Variants in CEBPZ observed in about 807,000 individuals in gnomAD.
CEBPZ encodes CCAAT enhancer binding protein zeta.
Under a neutral mutation model 104.5 loss-of-function variants are expected in CEBPZ, and 78 were observed. The ratio of observed to expected loss-of-function variants is 0.75; its 90% CI spans 0.62 to 0.90. The LOEUF (loss-of-function observed/expected upper bound fraction) is 0.90. CEBPZ is among the 40% of genes least tolerant of loss of function. The pLI is 0.00. For missense variants in CEBPZ, 1,439 were observed against 1,233.5 expected (o/e 1.17, Z -2.50); for synonymous variants, 470 against 427.0 (o/e 1.10, Z -1.24).
chr2:37,216,471 C>A, intron 6 of CEBPZ, 53 bp from the exon 7 acceptor site: 2 of 1,276,006 alleles, frequency 1.6e-6, no homozygotes, highest in Non-Finnish European at 2.2e-6. Flanking sequence ...GTCTATGAAT[C>A]CAAGTAAGAA....
At chr2:37,227,192 T>C (rs1421275085) in intron 2 of CEBPZ, among the ~76,000 whole-genome samples, 1 of 152,246 alleles carries the variant, frequency 6.6e-6, no homozygotes, top group Non-Finnish European at 1.5e-5. Context: ...AGACGGAAAC[T>C]GCAATTATAT....
chr2:37,217,451 T>TA (rs1004778342), intron 5 of CEBPZ, among the ~76,000 whole-genome samples: 8 of 152,014 alleles, frequency 5.3e-5, no homozygotes, highest in Non-Finnish European at 1.2e-4. Flanking sequence ...GCCAATACAT[T>TA]AAAAAAGTGA....
At chr2:37,209,195 AT>A (rs1181288034) in intron 13 of CEBPZ, 2 of 152,196 alleles carry the variant, frequency 1.3e-5, no homozygotes, top group Non-Finnish European at 2.9e-5. Flanking sequence ...GGTAGAATCG[AT>A]ATTGTGAAAA....
Position 37,228,817 on chromosome 2 carries a change from T to A in CEBPZ, c.376A>T (p.Lys126Ter), listed in dbSNP as rs1248243220. The A allele has an allele frequency of 6.2e-7, 1 of 1,603,254 alleles. No individual in the cohort carries two copies. The highest frequency in any genetic ancestry group is 1.3e-5 in the African/African-American group (1 of 74,120). Residue 126 changes from lysine to a stop codon, truncating the protein, a stop_gained, in exon 2 of 16, where the codon AAA becomes TAA. Coordinates refer to ENST00000234170, the MANE Select transcript of CEBPZ (RefSeq NM_005760.3). LOFTEE classifies it high-confidence loss of function. ...KEVKIPKINN[K>*]NTAESQRTSV... ...GTCCTTTGACTTTCTGCTGTATTTT[T>A]ATTATTTATTTTAGGTATTTTTACT... is the stretch of plus-strand genomic sequence containing the variant.
At chr2:37,214,521 A>T (rs1024136450) in intron 9 of CEBPZ, among the ~76,000 whole-genome samples, 4 of 152,170 alleles carry the variant, frequency 2.6e-5, no homozygotes, top group African/African-American at 9.6e-5. Flanking sequence ...GAAAATTATT[A>T]TAAAAGGAAA....
chr2:37,201,732 T>C lies in CEBPZ; in HGVS notation c.*32A>G, dbSNP rs987202949. The stretch of plus-strand genomic sequence containing the variant: ...TTGAACAGCAAAAATTAGATGTAAG[T>C]AGAATTTTAATCTATAATTTACATT... On this transcript the variant is annotated 3_prime_UTR_variant, in exon 16 of 16. Transcript: ENST00000234170. 5 of 1,222,112 alleles carry C rather than the reference T, an allele frequency of 4.1e-6. No homozygotes were observed. The highest frequency in any genetic ancestry group is 1.9e-4 in the Middle Eastern group (1 of 5,370). The allele number at this position is 1,222,112 out of a possible 1,614,324, so 75.7% of individuals were successfully genotyped here.
At position 37,229,054 on chromosome 2, in the gene CEBPZ, G is replaced by A; in HGVS notation, c.157-18C>T. 1 of 1,458,036 alleles carries A rather than the reference G, an allele frequency of 6.9e-7. No individual in the cohort carries two copies. The highest frequency in any genetic ancestry group is 9.1e-7 in the Non-Finnish European group (1 of 1,102,466). 90.3% of individuals were successfully genotyped at this position (1,458,036 alleles called of 1,614,324 possible). On this transcript the variant is annotated intron_variant, in intron 1 of 15. Transcript: ENST00000234170. ...TAATCTTGCTGCATTAAAAACATAA[G>A]TTAAAAATACATTACAAATGTGAAA...
At chr2:37,214,547 C>G (rs1231796760) in intron 9 of CEBPZ, among the ~76,000 whole-genome samples, 1 of 151,640 alleles carries the variant, frequency 6.6e-6, no homozygotes, top group Non-Finnish European at 1.5e-5. Context: ...GGCTAAATTC[C>G]AAAAAGAAGC....
chr2:37,216,075 T>G, intron 8 of CEBPZ, 65 bp downstream of exon 8: 1 of 1,180,914 alleles, frequency 8.5e-7, no homozygotes, highest in Non-Finnish European at 1.2e-6. Context: ...CAAAGAATAA[T>G]ACAATTTATG....
intron 1 of CEBPZ, 47 bp downstream of exon 1, chr2:37,231,365 G>A (rs1665091949): frequency 2.5e-6 from 4 of 1,610,916 alleles, no homozygotes; most frequent in African/African-American, 2.7e-5. Flanking sequence ...AGCCACCTTC[G>A]GAACTCTCCA....
chr2:37,230,645 A>G (rs1346081354), intron 1 of CEBPZ, among the ~76,000 whole-genome samples: 1 of 152,222 alleles, frequency 6.6e-6, no homozygotes, highest in Non-Finnish European at 1.5e-5. Flanking sequence ...CATCAAACTC[A>G]GAGCAAAAGC....
At position 37,213,614 on chromosome 2, in the gene CEBPZ, A is replaced by G. The variant is rs1677794718; in HGVS notation, c.2545+250T>C. 3 of 324,106 alleles carry G rather than the reference A, an allele frequency of 9.3e-6. No individual in the cohort carries two copies. In the South Asian group the frequency reaches 9.7e-5, roughly 10 times the overall value. 20.1% of individuals were successfully genotyped at this position (324,106 alleles called of 1,614,324 possible). On this transcript the variant is annotated intron_variant, in intron 10 of 15. Transcript: ENST00000234170. ...TTTTTAGTAGAGACAGGGTTTCACC[A>G]TATTGGCCAGGCTGGTCTCGAACTC...
At chr2:37,214,785 G>C (rs562072712) in intron 9 of CEBPZ, 101 bp downstream of exon 9, 37 of 727,696 alleles carry the variant, frequency 5.1e-5, no homozygotes, top group Non-Finnish European at 8.2e-5. Context: ...CACAGTAGTA[G>C]ATTATTGAAG....
chr2:37,204,174 G>A (rs1237954018), intron 13 of CEBPZ: 1 of 151,890 alleles, frequency 6.6e-6, no homozygotes, highest in Non-Finnish European at 1.5e-5. Context: ...ACCTCAACGA[G>A]TAGGCACTTC....
Position 37,214,915 on chromosome 2 carries a change from T to G in CEBPZ, c.2418A>C (p.Gln806His). Reference protein sequence around the residue: ...SKEFLAKEESQIPVDEVFFHR... With the variant: ...SKEFLAKEESHIPVDEVFFHR... ...GGAAAAACACTTCATCCACTGGTAT[T>G]TGGCTTTCTTCTTTTGCAAGGAACT... Residue 806 changes from glutamine to histidine, a missense_variant, in exon 9 of 16, where the codon CAA becomes CAC. Physicochemically the swap from Gln to His is conservative, Grantham distance 24. Transcript: ENST00000234170. The G allele has an allele frequency of 6.2e-7, 1 of 1,611,238 alleles. No individual in the cohort carries two copies. The highest frequency in any genetic ancestry group is 8.5e-7 in the Non-Finnish European group (1 of 1,177,574).
In CEBPZ at chr2:37,227,966, T is replaced by C; in HGVS notation, c.1227A>G (p.Leu409=). The C allele has an allele frequency of 6.2e-7, 1 of 1,614,220 alleles. No individual in the cohort carries two copies. The highest frequency in any genetic ancestry group is 1.3e-5 in the African/African-American group (1 of 75,064). ...CTTTCATATTGGGATGTTTACAAAGTAATGTCTCTAACAGATGGGATGCTT... is the reference window on the plus strand; with the variant it reads ...CTTTCATATTGGGATGTTTACAAAGCAATGTCTCTAACAGATGGGATGCTT... The part of the protein sequence containing the change: ...ATKASHLLET[L]LCKHPNMKGV... The change falls in exon 2 of 16, where the codon TTA becomes TTG. Residue 409 remains leucine, a synonymous_variant. Transcript: ENST00000234170.
rs1004607059 is a variant in CEBPZ, at chr2:37,228,585, G to T, written c.608C>A (p.Ser203Tyr). Reference protein sequence around the residue: ...SLKPQPQDVVSKYKTLAQKLY... With the variant: ...SLKPQPQDVVYKYKTLAQKLY... ...CTTCTGAGCAAGGGTTTTGTACTTAGATACAACATCCTGAGGCTGGGGTTT... is the reference window on the plus strand; with the variant it reads ...CTTCTGAGCAAGGGTTTTGTACTTATATACAACATCCTGAGGCTGGGGTTT... Residue 203 changes from serine (S) to tyrosine (Y), a missense_variant, in exon 2 of 16, where the codon TCT becomes TAT. By Grantham distance (144) the Ser-to-Tyr change is moderately radical. Coordinates refer to ENST00000234170, the MANE Select transcript of CEBPZ (RefSeq NM_005760.3). 3 of 1,614,054 alleles carry T rather than the reference G, an allele frequency of 1.9e-6. No homozygotes were observed. Among genetic ancestry groups the T allele is most frequent in the African/African-American group, 1.3e-5 (1 of 74,924 alleles).
chr2:37,230,478 A>G (rs1306604796), intron 1 of CEBPZ, among the ~76,000 whole-genome samples: 2 of 152,238 alleles, frequency 1.3e-5, no homozygotes, highest in Non-Finnish European at 2.9e-5. Context: ...TATATTACCT[A>G]TTCAAAACTT....
rs1474175857 is a variant in CEBPZ, at chr2:37,228,252, T to A, written c.941A>T (p.Lys314Ile). Residue 314 changes from lysine to isoleucine, a missense_variant, in exon 2 of 16, where the codon AAA (lysine) becomes ATA (isoleucine). By Grantham distance (102) the Lys-to-Ile change is moderately radical. Coordinates refer to ENST00000234170, the MANE Select transcript of CEBPZ (RefSeq NM_005760.3). ...GTTGCCACTGGACAACTGTTCCAGT[T>A]TGTCAAAAGGACGCTGGCTGAAAAT... is the stretch of plus-strand genomic sequence containing the variant. ...LRIFSQRPFD[K>I]LEQLSSGNKD... 6.2e-7 allele frequency: 1 copy of A among 1,614,200 alleles called. No homozygotes were observed. The highest frequency in any genetic ancestry group is 1.1e-5 in the South Asian group (1 of 91,082).
Sources: allele counts gnomAD v4.1 joint callset (sites outside exome capture counted in the v4.1 genomes callset), GRCh38; gene constraint gnomAD v4.1.1; transcripts MANE v1.5; gene names NCBI Gene and HGNC (gene_info 2026-07-23, HGNC 2026-07-21).